Variants in IL3RA observed in about 807,000 individuals in gnomAD.
IL3RA encodes the protein interleukin-3 receptor subunit alpha.
IL3RA carries 73 observed loss-of-function variants against 52.3 expected under a neutral mutation model. The ratio of observed to expected loss-of-function variants is 1.40; its 90% CI spans 1.16 to 1.70. The LOEUF (loss-of-function observed/expected upper bound fraction) is 1.70. Ranked by LOEUF, IL3RA falls within the 40% of genes most tolerant of loss-of-function variation. IL3RA has a pLI of 0.00. For missense variants in IL3RA, 664 were observed against 504.4 expected (o/e 1.32, Z -3.03); for synonymous variants, 260 against 194.0 (o/e 1.34, Z -2.83).
intron 2 of IL3RA, among the ~76,000 whole-genome samples, chrX:1,343,628 T>C (rs1279913535): frequency 7.1e-5 from 10 of 141,624 alleles, no homozygotes; most frequent in East Asian, 4.3e-4. Context: ...GATCACGCCA[T>C]TGCACTCCAA....
intron 10 of IL3RA, among the ~76,000 whole-genome samples, chrX:1,380,267 A>G (rs1345987753): frequency 6.7e-6 from 1 of 149,130 alleles, no homozygotes; most frequent in East Asian, 2.0e-4. Context: ...ACCTCAGTTG[A>G]TCTGCCCGCC....
At chrX:1,356,039 T>C (rs2086679199) in intron 6 of IL3RA, among the ~76,000 whole-genome samples, 182 bp from the exon 7 acceptor site, 1 of 152,084 alleles carries the variant, frequency 6.6e-6, no homozygotes, top group Non-Finnish European at 1.5e-5. Context: ...CCAACGCGGC[T>C]CAGTCCTGTG....
chrX:1,358,767 C>T (rs1194794432), intron 7 of IL3RA, 94 bp from the exon 8 acceptor site: 2 of 1,410,934 alleles, frequency 1.4e-6, no homozygotes, highest in African/African-American at 1.4e-5. Flanking sequence ...CACTGTTTTG[C>T]TGGTTTTCCT....
chrX:1,352,882 TC>T (rs1432055834), intron 6 of IL3RA, among the ~76,000 whole-genome samples: 1 of 42,186 alleles, frequency 2.4e-5, no homozygotes, highest in African/African-American at 6.5e-5. Context: ...GGTCATAGAA[TC>T]CCCCATGATG....
chrX:1,378,688 C>A lies in IL3RA; in HGVS notation c.904C>A (p.Arg302Ser). ...CGACCAGGAGGAGGGCGCAAACACA[C>A]GTGCCTGGCGGACGTCGCTGCTGAT... ...ECDQEEGANT[R>S]AWRTSLLIAL... is the part of the protein sequence containing the mutation. Residue 302 changes from arginine to serine, a missense_variant, in exon 10 of 12, where the codon CGT (arginine) becomes AGT (serine). By Grantham distance (110) the Arg-to-Ser change is moderately radical. Transcript: ENST00000331035. 6.2e-7 allele frequency: 1 copy of A among 1,612,722 alleles called. No homozygotes were observed. Among genetic ancestry groups the A allele is most frequent in the Non-Finnish European group, 8.5e-7 (1 of 1,179,844 alleles).
intron 6 of IL3RA, among the ~76,000 whole-genome samples, chrX:1,353,758 C>T (rs762641222): frequency 7.1e-6 from 1 of 141,658 alleles, no homozygotes; most frequent in South Asian, 2.3e-4. Flanking sequence ...TGGGTTTCAT[C>T]ATGGGTCATA....
At chrX:1,367,687 T>G (rs2088232870) in intron 9 of IL3RA, among the ~76,000 whole-genome samples, 1 of 99,356 alleles carries the variant, frequency 1.0e-5, no homozygotes, top group Non-Finnish European at 2.0e-5. Flanking sequence ...GTGAGCGGGG[T>G]GCGCGGGGTG....
At chrX:1,379,854 G>A (rs2089054772) in intron 10 of IL3RA, among the ~76,000 whole-genome samples, 2 of 152,188 alleles carry the variant, frequency 1.3e-5, no homozygotes, top group Admixed American at 1.3e-4. Flanking sequence ...CTGCCTCCTG[G>A]GTTCAAGCGA....
At chrX:1,357,429 C>T (rs2086822637) in intron 7 of IL3RA, among the ~76,000 whole-genome samples, 1 of 151,906 alleles carries the variant, frequency 6.6e-6, no homozygotes, top group African/African-American at 2.4e-5. Flanking sequence ...GGCATGATCT[C>T]AGCTCACTGT....
chrX:1,353,605 T>C lies in IL3RA; in HGVS notation c.616+1099T>C, dbSNP rs2086312351. Among the ~76,000 whole-genome samples, 3 of 110,400 alleles carry C rather than the reference T, an allele frequency of 2.7e-5. 1 individual carries two copies. Among genetic ancestry groups the C allele is most frequent in the Non-Finnish European group, 5.2e-5 (3 of 57,184 alleles). 72.4% of individuals were successfully genotyped at this position (110,400 alleles called of 152,430 possible). On this transcript the variant is annotated intron_variant, in intron 6 of 11. Transcript: ENST00000331035. ...GGGTTCCACATGGGATCCCCCATCA[T>C]AGGTCCCATCATGGGTCATGGGACC...
chrX:1,338,908 T>A (rs1443987162), intron 1 of IL3RA, among the ~76,000 whole-genome samples: 1 of 152,114 alleles, frequency 6.6e-6, no homozygotes, highest in Non-Finnish European at 1.5e-5. Flanking sequence ...CAAGCAATTC[T>A]CCTGCCTCAG....
rs373022482 is a variant in IL3RA at position 1,381,941 on chromosome X, TTGTTTTGTTTG to T, written c.1063-448_1063-438del. Among the ~76,000 whole-genome samples the T allele has an allele frequency of 5.8e-4, 88 of 150,448 alleles. 1 individual carries two copies. Among genetic ancestry groups the T allele is most frequent in the African/African-American group, 2.1e-3 (85 of 41,090 alleles). On this transcript the variant is annotated intron_variant, in intron 11 of 11. Coordinates refer to ENST00000331035, the MANE Select transcript of IL3RA (RefSeq NM_002183.4). ...CTCTGTCAGAGTTTTTTGTTTTGTT[TTGTTTTGTTTG>T]TTTTTGTTTTTGAGACGCAGTTTTG...
At position 1,341,822 on chromosome X, in the gene IL3RA, GA is replaced by G; in HGVS notation, c.59del (p.Lys20ArgfsTer11). 1 of 1,613,912 alleles carries G rather than the reference GA, an allele frequency of 6.2e-7. No homozygotes were observed. The highest frequency in any genetic ancestry group is 8.5e-7 in the Non-Finnish European group (1 of 1,179,848). On this transcript the variant is annotated frameshift_variant, in exon 2 of 12. Coordinates refer to ENST00000331035, the MANE Select transcript of IL3RA (RefSeq NM_002183.4). LOFTEE classifies it high-confidence loss of function. Reference protein sequence around the residue: ...LIALPCLLQTKEDPNPPITNL... With the variant: ...LIALPCLLQTXEDPNPPITNL... ...TCGCCCTGCCCTGTCTCCTGCAAAC[GA>G]AGGAAGGTAAGAACTGGAGAAAAAA... is the stretch of plus-strand genomic sequence containing the variant.
At chrX:1,380,034 A>T (rs1427531655) in intron 10 of IL3RA, among the ~76,000 whole-genome samples, 2 of 152,112 alleles carry the variant, frequency 1.3e-5, no homozygotes, top group Non-Finnish European at 2.9e-5. Context: ...TGCTGGGATG[A>T]CAGGCGTGAG....
At chrX:1,358,667 A>G (rs1195720174) in intron 7 of IL3RA, among the ~76,000 whole-genome samples, 194 bp from the exon 8 acceptor site, 1 of 152,126 alleles carries the variant, frequency 6.6e-6, no homozygotes, top group Non-Finnish European at 1.5e-5. Flanking sequence ...TCATAAATAA[A>G]TAAACAAACA....
At chrX:1,342,425 C>G (rs2085528108) in intron 2 of IL3RA, among the ~76,000 whole-genome samples, 1 of 152,002 alleles carries the variant, frequency 6.6e-6, no homozygotes, top group Non-Finnish European at 1.5e-5. Flanking sequence ...CTTGGCCTCC[C>G]AAAGTGCTGG....
intron 3 of IL3RA, among the ~76,000 whole-genome samples, chrX:1,347,638 CA>C (rs1386561968): frequency 6.6e-6 from 1 of 150,508 alleles, no homozygotes; most frequent in Non-Finnish European, 1.5e-5. Flanking sequence ...AACAAAGAAA[CA>C]AAAAACAAAC....
chrX:1,354,857 G>C (rs777105241), intron 6 of IL3RA, among the ~76,000 whole-genome samples: 1 of 54,186 alleles, frequency 1.8e-5, no homozygotes, highest in Non-Finnish European at 3.7e-5. Flanking sequence ...AGGAGGAGGC[G>C]GGGGAGGGAA....
At chrX:1,348,133 G>A (rs865856907) in intron 3 of IL3RA, among the ~76,000 whole-genome samples, 1 of 150,906 alleles carries the variant, frequency 6.6e-6, no homozygotes, top group Non-Finnish European at 1.5e-5. Flanking sequence ...GATCACATGA[G>A]GTCAGGAGTT....
Sources: allele counts gnomAD v4.1 joint callset (sites outside exome capture counted in the v4.1 genomes callset), GRCh38; gene constraint gnomAD v4.1.1; transcripts MANE v1.5; gene names NCBI Gene and HGNC (gene_info 2026-07-23, HGNC 2026-07-21).